The following LNX1 variants were observed in gnomAD, a reference collection of about 807,000 sequenced individuals.
The protein encoded by LNX1 is ligand of numb-protein X 1.
In LNX1, 54 loss-of-function variants were observed where a neutral mutation model predicts 68.4. The ratio of observed to expected loss-of-function variants is 0.79; its 90% CI spans 0.63 to 0.99. LNX1 has a LOEUF of 0.99. Among genes scored for constraint, LNX1 ranks in the 50% least tolerant of loss-of-function variants. The pLI, the probability that LNX1 is intolerant of heterozygous loss-of-function variation, is 0.00. For missense variants in LNX1, 906 were observed against 926.4 expected, an observed-to-expected ratio of 0.98 and a Z score of 0.29; for synonymous variants, 336 against 350.0, an observed-to-expected ratio of 0.96 and a Z score of 0.45.
At chr4:53,533,046 A>C (rs184613329) in intron 2 of LNX1, among the ~76,000 whole-genome samples, 187 of 152,356 alleles carry the variant, frequency 1.2e-3, no homozygotes, top group Middle Eastern at 3.4e-3. Flanking sequence ...TATTAAGCAC[A>C]TATGCTCCCT....
At chr4:53,533,941 C>T (rs1388911468) in intron 2 of LNX1, among the ~76,000 whole-genome samples, 1 of 152,174 alleles carries the variant, frequency 6.6e-6, no homozygotes, top group Non-Finnish European at 1.5e-5. Flanking sequence ...GAACTTCTGC[C>T]CATGCACTGG....
intron 5 of LNX1, among the ~76,000 whole-genome samples, chr4:53,496,943 G>C (rs1171402044): frequency 2.0e-5 from 3 of 152,166 alleles, no homozygotes; most frequent in Non-Finnish European, 2.9e-5. Context: ...GAGCACGATG[G>C]AGTGTATGTG....
chr4:53,608,446 TA>T (rs1733318504), intron 2 of LNX1, among the ~76,000 whole-genome samples: 1 of 152,042 alleles, frequency 6.6e-6, no homozygotes, highest in African/African-American at 2.4e-5. Flanking sequence ...TGGCTATTAG[TA>T]AAAAGTCAAA....
intron 2 of LNX1, among the ~76,000 whole-genome samples, chr4:53,565,904 G>C (rs1298764572): frequency 6.6e-6 from 1 of 152,172 alleles, no homozygotes; most frequent in African/African-American, 2.4e-5. Flanking sequence ...ATCAGCAATG[G>C]AAGATGAAAT....
intron 1 of LNX1, among the ~76,000 whole-genome samples, chr4:53,642,938 A>G (rs1734742156): frequency 1.3e-5 from 2 of 152,098 alleles, no homozygotes; most frequent in Non-Finnish European, 2.9e-5. Flanking sequence ...TGTCTAGTGT[A>G]ATGGTTCTCT....
chr4:53,592,476 C>T (rs1732553290), upstream of LNX1, among the ~76,000 whole-genome samples: 1 of 152,154 alleles, frequency 6.6e-6, no homozygotes, highest in South Asian at 2.1e-4. Flanking sequence ...TCCCATCATC[C>T]CATTGAAACG....
chr4:53,616,235 C>CT (rs1733674241), intron 2 of LNX1, among the ~76,000 whole-genome samples: 1 of 152,122 alleles, frequency 6.6e-6, no homozygotes, highest in South Asian at 2.1e-4. Flanking sequence ...ATCTTTTTTA[C>CT]TTTTTTTCTT....
chr4:53,601,738 G>A (rs1211601234), intron 2 of LNX1, among the ~76,000 whole-genome samples: 1 of 152,164 alleles, frequency 6.6e-6, no homozygotes, highest in East Asian at 1.9e-4. Context: ...GAAGCTAGGA[G>A]ATCTATGAGG....
intron 2 of LNX1, among the ~76,000 whole-genome samples, chr4:53,518,852 C>T (rs995525171): frequency 1.4e-4 from 22 of 152,158 alleles, no homozygotes; most frequent in African/African-American, 4.8e-4. Flanking sequence ...GCAGGTTTTT[C>T]ATAACCTTAT....
chr4:53,528,697 T>C (rs1226790126), intron 2 of LNX1, among the ~76,000 whole-genome samples: 1 of 151,958 alleles, frequency 6.6e-6, no homozygotes, highest in African/African-American at 2.4e-5. Context: ...GACTACTGTA[T>C]AGCCTAGACA....
At chr4:53,583,682 T>C (rs1731974082) in intron 1 of LNX1, among the ~76,000 whole-genome samples, 2 of 152,102 alleles carry the variant, frequency 1.3e-5, no homozygotes, top group Non-Finnish European at 2.9e-5. Context: ...ATGTTCAGAA[T>C]GTGGGAAAAA....
intron 1 of LNX1, among the ~76,000 whole-genome samples, chr4:53,583,730 T>C (rs1030291204): frequency 4.6e-5 from 7 of 152,284 alleles, no homozygotes; most frequent in Admixed American, 3.9e-4. Context: ...CCCAAGTGGC[T>C]AGACAATTAG....
intron 2 of LNX1, among the ~76,000 whole-genome samples, chr4:53,530,352 C>G (rs1686190128): frequency 6.6e-6 from 1 of 151,894 alleles, no homozygotes; most frequent in African/African-American, 2.4e-5. Flanking sequence ...AAAAAAGCCA[C>G]CAAAAATGAC....
At chr4:53,620,479 T>C (rs1309761345), upstream of LNX1, among the ~76,000 whole-genome samples, 1 of 152,062 alleles carries the variant, frequency 6.6e-6, no homozygotes, top group Non-Finnish European at 1.5e-5. Context: ...GTGACCAAAG[T>C]TTATGGAAAA....
At chr4:53,630,311 AC>A (rs1435986986) in intron 1 of LNX1, among the ~76,000 whole-genome samples, 1 of 151,876 alleles carries the variant, frequency 6.6e-6, no homozygotes. Flanking sequence ...TTTTTTTGTA[AC>A]CCCCAGATCA....
intron 1 of LNX1, among the ~76,000 whole-genome samples, chr4:53,628,836 G>A (rs571703312): frequency 8.5e-5 from 13 of 152,056 alleles, no homozygotes; most frequent in African/African-American, 2.7e-4. Flanking sequence ...TGACTTGGAC[G>A]AAGCAGGAGG....
chr4:53,612,246 T>A (rs2668543), intron 2 of LNX1, among the ~76,000 whole-genome samples: 62,678 of 151,968 alleles, frequency 0.41, 12,917 homozygotes, highest in Admixed American at 0.45. Context: ...TGCTGGCAGG[T>A]TAGTAGGTAA....
intron 2 of LNX1, among the ~76,000 whole-genome samples, chr4:53,599,424 C>T (rs965489795): frequency 6.6e-6 from 1 of 152,150 alleles, no homozygotes; most frequent in African/African-American, 2.4e-5. Flanking sequence ...AAAGGGGAGG[C>T]CTGAATAATC....
intron 2 of LNX1, among the ~76,000 whole-genome samples, chr4:53,560,127 T>A (rs559380471): frequency 5.4e-4 from 82 of 152,350 alleles, no homozygotes; most frequent in African/African-American, 1.8e-3. Flanking sequence ...CACAAAGTCC[T>A]GAAACATGCT....
Sources: gnomAD v4.1 joint callset for allele counts (sites outside exome capture counted in the v4.1 genomes callset) on GRCh38, gnomAD v4.1.1 for gene constraint, MANE v1.5 for transcripts, NCBI Gene and HGNC (gene_info 2026-07-23, HGNC 2026-07-21) for gene names.